Variants in NIPBL observed in about 807,000 individuals in gnomAD.
NIPBL encodes NIPBL cohesin loading factor, also known as nipped-B-like protein.
A neutral mutation model predicts 321.8 loss-of-function variants in NIPBL; 19 were observed. That is an observed-to-expected ratio of 0.06 (90% CI 0.04 to 0.09). NIPBL has a LOEUF of 0.09. NIPBL is among the 10% of genes least tolerant of loss of function. The pLI, the probability that NIPBL is intolerant of heterozygous loss-of-function variation, is 1.00. For synonymous variants in NIPBL, 1,106 were observed against 1,114.1 expected (o/e 0.99, Z 0.14); for missense variants, 2,210 against 3,327.0 (o/e 0.66, Z 8.26).
At chr5:37,014,823 T>A (rs1259504955) in intron 22 of NIPBL, 58 bp downstream of exon 22, 1 of 1,025,372 alleles carries the variant, frequency 9.8e-7, no homozygotes, top group East Asian at 2.4e-5. Context: ...GAATAGTTCA[T>A]TTTTTTAAAA....
chr5:37,010,203 CAGA>C lies in NIPBL; in HGVS notation c.4545_4547del (p.Glu1515del), dbSNP rs1747946877. ...CCATCATCAGAGAAGGACTCTAATG[CAGA>C]AGAAGATTCAAATAAAAAAGTAAGG... On this transcript the variant is annotated inframe_deletion, in exon 21 of 47. Transcript: ENST00000282516. 4 of 1,608,318 alleles carry C rather than the reference CAGA, an allele frequency of 2.5e-6. No homozygotes were observed. Among genetic ancestry groups the C allele is most frequent in the Non-Finnish European group, 2.6e-6 (3 of 1,175,072 alleles).
At chr5:37,000,302 A>G in intron 11 of NIPBL, 71 bp from the exon 12 acceptor site, 2 of 1,468,426 alleles carry the variant, frequency 1.4e-6, no homozygotes, top group Non-Finnish European at 1.9e-6. Context: ...CATGTGATTC[A>G]TTTGTAAAGT....
At chr5:36,957,291 A>G (rs1214882255) in intron 3 of NIPBL, among the ~76,000 whole-genome samples, 1 of 152,188 alleles carries the variant, frequency 6.6e-6, no homozygotes, top group Non-Finnish European at 1.5e-5. Flanking sequence ...CCATGACATT[A>G]TTTGAGAAAG....
At chr5:36,984,609 A>T in intron 9 of NIPBL, 67 bp from the exon 10 acceptor site, 4 of 1,414,246 alleles carry the variant, frequency 2.8e-6, no homozygotes, top group Non-Finnish European at 3.9e-6. Flanking sequence ...AACAACGTCC[A>T]TAGGGTTTTT....
intron 1 of NIPBL, among the ~76,000 whole-genome samples, chr5:36,932,980 C>T (rs1246205539): frequency 6.6e-6 from 1 of 151,684 alleles, no homozygotes; most frequent in Non-Finnish European, 1.5e-5. Context: ...TACGCTACTG[C>T]ATGCAGCTCT....
intron 6 of NIPBL, among the ~76,000 whole-genome samples, chr5:36,966,364 C>T (rs555544192): frequency 6.6e-6 from 1 of 152,074 alleles, no homozygotes; most frequent in Non-Finnish European, 1.5e-5. Context: ...TCTGTATTTC[C>T]TATCAAGTAG....
At chr5:36,926,965 A>C (rs953995009) in intron 1 of NIPBL, among the ~76,000 whole-genome samples, 10 of 152,212 alleles carry the variant, frequency 6.6e-5, no homozygotes, top group Non-Finnish European at 1.2e-4. Context: ...AATGGGAGTC[A>C]ATTTTTCCTG....
chr5:37,064,692 T>A lies in NIPBL; in HGVS notation c.8215T>A (p.Trp2739Arg). Residue 2739 changes from tryptophan to arginine, a missense_variant, in exon 47 of 47, where the codon TGG becomes AGG. Trp to Arg is a moderately radical substitution (Grantham distance 101). Coordinates refer to ENST00000282516, the MANE Select transcript of NIPBL (RefSeq NM_133433.4). The stretch of plus-strand genomic sequence containing the variant: ...AACCAGCAGTGGCTTCAGTGTTCAG[T>A]GGATGGCAGGCTCCTACAGTGGCTC... ...QKTSSGFSVQ[W>R]MAGSYSGSWT... The A allele has an allele frequency of 6.2e-7, 1 of 1,614,152 alleles. No homozygotes were observed. The highest frequency in any genetic ancestry group is 8.5e-7 in the Non-Finnish European group (1 of 1,180,024).
chr5:36,918,963 CA>C (rs1748701917), intron 1 of NIPBL, among the ~76,000 whole-genome samples: 1 of 152,066 alleles, frequency 6.6e-6, no homozygotes, highest in Admixed American at 6.5e-5. Context: ...CAATGTCCAT[CA>C]GGGGTATTGG....
intron 21 of NIPBL, among the ~76,000 whole-genome samples, chr5:37,010,833 G>A (rs1217068103): frequency 6.6e-6 from 1 of 152,172 alleles, no homozygotes; most frequent in East Asian, 1.9e-4. Context: ...TATTAAATGT[G>A]AAAGTGAATA....
At chr5:36,947,737 A>G (rs900477852) in intron 1 of NIPBL, among the ~76,000 whole-genome samples, 26 of 151,948 alleles carry the variant, frequency 1.7e-4, no homozygotes, top group African/African-American at 6.0e-4. Flanking sequence ...ATAAAGTAAT[A>G]TTCTAATCAT....
intron 1 of NIPBL, chr5:36,886,364 GC>G: frequency 1.4e-6 from 1 of 717,426 alleles, no homozygotes; most frequent in Non-Finnish European, 2.6e-6. Flanking sequence ...CTTGAAGATG[GC>G]AAGAACTTCA....
chr5:36,904,183 A>G (rs181076640), intron 1 of NIPBL, among the ~76,000 whole-genome samples: 1 of 152,284 alleles, frequency 6.6e-6, no homozygotes, highest in East Asian at 1.9e-4. Context: ...GAATTTTTAA[A>G]AACTGGGCCG....
In NIPBL at chr5:37,026,321, C is replaced by T. The variant is rs761398208; in HGVS notation, c.5802C>T (p.Thr1934=). 17 of 1,594,108 alleles carry T rather than the reference C, an allele frequency of 1.1e-5. No homozygotes were observed. The African/African-American group carries it at 1.1e-4, about 10-fold the overall frequency. ...EAMTRKILNI[T]DVVAACRDTG... ...TGACAAGGAAAATTTTAAACATTACCGATGTGGTAAGAAGGACTGGAACAA... is the reference window on the plus strand; with the variant it reads ...TGACAAGGAAAATTTTAAACATTACTGATGTGGTAAGAAGGACTGGAACAA... Residue 1934 remains threonine (T), a synonymous_variant, in exon 31 of 47, where the codon ACC becomes ACT. Coordinates refer to ENST00000282516, the MANE Select transcript of NIPBL (RefSeq NM_133433.4).
chr5:37,030,092 G>T (rs561067196), intron 32 of NIPBL, among the ~76,000 whole-genome samples: 21 of 152,256 alleles, frequency 1.4e-4, no homozygotes, highest in African/African-American at 5.1e-4. Flanking sequence ...TTACTAAAAA[G>T]AATCTACAAT....
chr5:36,930,155 C>A (rs1395921644), intron 1 of NIPBL, among the ~76,000 whole-genome samples: 1 of 151,952 alleles, frequency 6.6e-6, no homozygotes, highest in African/African-American at 2.4e-5. Context: ...ATCTATAGAT[C>A]AATTTGAAGA....
chr5:36,895,963 G>T (rs540078606), intron 1 of NIPBL, among the ~76,000 whole-genome samples: 1 of 152,142 alleles, frequency 6.6e-6, no homozygotes, highest in Non-Finnish European at 1.5e-5. Context: ...TAATTTTAAA[G>T]ATCTCTATTG....
intron 1 of NIPBL, among the ~76,000 whole-genome samples, chr5:36,951,626 A>C (rs1740302553): frequency 6.6e-6 from 1 of 152,242 alleles, no homozygotes; most frequent in Admixed American, 6.5e-5. Context: ...TGTGACTACT[A>C]ACTATGCAGT....
At chr5:36,943,819 T>A (rs1051478589) in intron 1 of NIPBL, among the ~76,000 whole-genome samples, 1 of 152,102 alleles carries the variant, frequency 6.6e-6, no homozygotes, top group Non-Finnish European at 1.5e-5. Flanking sequence ...TAGGAGAATG[T>A]GTTGTTCTGG....
Sources: gnomAD v4.1 joint callset for allele counts (sites outside exome capture counted in the v4.1 genomes callset) on GRCh38, gnomAD v4.1.1 for gene constraint, MANE v1.5 for transcripts, NCBI Gene and HGNC (gene_info 2026-07-23, HGNC 2026-07-21) for gene names.